UNC13C: variants seen among roughly 807,000 people sequenced by gnomAD.
The protein encoded by UNC13C is unc-13 homolog C.
UNC13C carries 174 observed loss-of-function variants against 245.4 expected under a neutral mutation model. That is an observed-to-expected ratio of 0.71 (90% CI 0.63 to 0.80). UNC13C has a LOEUF of 0.80. UNC13C is among the 30% of genes least tolerant of loss of function. UNC13C has a pLI of 0.00. For synonymous variants in UNC13C, 992 were observed against 895.1 expected, an observed-to-expected ratio of 1.11 and a Z score of -1.93; for missense variants, 2,829 against 2,602.9, an observed-to-expected ratio of 1.09 and a Z score of -1.89.
At chr15:54,442,171 G>A (rs1381573513) in intron 19 of UNC13C, among the ~76,000 whole-genome samples, 1 of 148,802 alleles carries the variant, frequency 6.7e-6, no homozygotes, top group African/African-American at 2.5e-5. Context: ...TCTTTTTCTT[G>A]CCTGATTGCT....
intron 30 of UNC13C, among the ~76,000 whole-genome samples, chr15:54,607,641 C>T (rs774972307): frequency 6.6e-6 from 1 of 152,120 alleles, no homozygotes; most frequent in Non-Finnish European, 1.5e-5. Context: ...CTCAGTTATG[C>T]AGGCTGTACA....
At chr15:54,499,536 G>C (rs927544481) in intron 20 of UNC13C, among the ~76,000 whole-genome samples, 1 of 152,040 alleles carries the variant, frequency 6.6e-6, no homozygotes, top group Non-Finnish European at 1.5e-5. Context: ...GGGGAATAAA[G>C]GGTGTTCTAA....
At chr15:54,245,445 A>G (rs2035966166) in intron 7 of UNC13C, among the ~76,000 whole-genome samples, 1 of 152,128 alleles carries the variant, frequency 6.6e-6, no homozygotes, top group South Asian at 2.1e-4. Flanking sequence ...AAAGAAAACT[A>G]CTTACATTCT....
At chr15:54,095,407 A>G (rs933996007) in intron 2 of UNC13C, among the ~76,000 whole-genome samples, 10 of 152,112 alleles carry the variant, frequency 6.6e-5, no homozygotes, top group African/African-American at 1.7e-4. Context: ...GGTTACTCCA[A>G]CCTTACAAAA....
intron 19 of UNC13C, among the ~76,000 whole-genome samples, chr15:54,422,435 T>C (rs146910004): frequency 6.6e-6 from 1 of 152,140 alleles, no homozygotes; most frequent in East Asian, 1.9e-4. Context: ...CATTCCCTGG[T>C]ATATAAAAGT....
intron 19 of UNC13C, among the ~76,000 whole-genome samples, chr15:54,491,987 ATC>A (rs1893735301): frequency 6.9e-6 from 1 of 145,670 alleles, no homozygotes. Flanking sequence ...GCGAGACTCC[ATC>A]TCAAAAAAAA....
At chr15:54,614,882 G>A (rs1169603211) in intron 30 of UNC13C, among the ~76,000 whole-genome samples, 1 of 151,898 alleles carries the variant, frequency 6.6e-6, no homozygotes, top group East Asian at 1.9e-4. Context: ...AAATTTTGTT[G>A]TGACTAATTT....
At chr15:54,425,162 C>A (rs1439390772) in intron 19 of UNC13C, among the ~76,000 whole-genome samples, 1 of 151,688 alleles carries the variant, frequency 6.6e-6, no homozygotes, top group Non-Finnish European at 1.5e-5. Context: ...TATTTGTAAA[C>A]CTTAGTACCA....
At chr15:54,493,395 C>T (rs1001130668) in intron 19 of UNC13C, among the ~76,000 whole-genome samples, 4 of 151,936 alleles carry the variant, frequency 2.6e-5, no homozygotes, top group African/African-American at 9.7e-5. Context: ...CTCCCTCACT[C>T]TCTCCTCTCT....
chr15:54,592,423 T>C (rs1460107715), intron 30 of UNC13C, among the ~76,000 whole-genome samples: 1 of 152,212 alleles, frequency 6.6e-6, no homozygotes, highest in African/African-American at 2.4e-5. Flanking sequence ...ATTGTGTTGC[T>C]GTCTACCTCA....
At chr15:54,457,407 G>T (rs533622746) in intron 19 of UNC13C, among the ~76,000 whole-genome samples, 1 of 152,108 alleles carries the variant, frequency 6.6e-6, no homozygotes, top group East Asian at 1.9e-4. Flanking sequence ...GAGTTAGGGA[G>T]GACTTCTTCT....
intron 29 of UNC13C, among the ~76,000 whole-genome samples, chr15:54,556,150 A>C (rs1897080764): frequency 6.6e-6 from 1 of 152,026 alleles, no homozygotes; most frequent in Non-Finnish European, 1.5e-5. Flanking sequence ...ATATATTTAT[A>C]TGTGAAAGTT....
chr15:54,044,184 T>C (rs1261786910), intron 2 of UNC13C, among the ~76,000 whole-genome samples: 1 of 152,200 alleles, frequency 6.6e-6, no homozygotes, highest in Non-Finnish European at 1.5e-5. Flanking sequence ...GATGTAGCCT[T>C]TTGCATCTGA....
intron 1 of UNC13C, among the ~76,000 whole-genome samples, chr15:53,979,888 A>G (rs1367100658): frequency 6.6e-6 from 1 of 152,190 alleles, no homozygotes; most frequent in African/African-American, 2.4e-5. Context: ...AATACTTTTC[A>G]TAAAAGTGGG....
chr15:54,255,152 C>A (rs1005643125), intron 8 of UNC13C, among the ~76,000 whole-genome samples: 3 of 152,116 alleles, frequency 2.0e-5, no homozygotes, highest in African/African-American at 7.2e-5. Flanking sequence ...ACAGGGTGCT[C>A]TTTAAGTTTA....
intron 30 of UNC13C, among the ~76,000 whole-genome samples, chr15:54,591,848 T>G (rs1044142602): frequency 4.6e-5 from 7 of 152,102 alleles, no homozygotes; most frequent in African/African-American, 1.7e-4. Flanking sequence ...TGGGTTTGGT[T>G]TGTTCTTGTT....
chr15:54,433,245 C>G (rs568944260), intron 19 of UNC13C, among the ~76,000 whole-genome samples: 11 of 152,166 alleles, frequency 7.2e-5, no homozygotes, highest in African/African-American at 2.6e-4. Flanking sequence ...AGGCCAGCAT[C>G]ATCCTGATAC....
At chr15:54,057,675 A>C (rs1897600299) in intron 2 of UNC13C, among the ~76,000 whole-genome samples, 2 of 152,174 alleles carry the variant, frequency 1.3e-5, no homozygotes, top group South Asian at 4.1e-4. Flanking sequence ...TCAGCACCAC[A>C]CCACACCTAT....
At chr15:53,929,348 A>G in the UNC13C span, among the ~76,000 whole-genome samples, 5 of 152,204 alleles carry the variant, frequency 3.3e-5, no homozygotes, top group Admixed American at 6.5e-5. Context: ...GTGGGGACAC[A>G]GCCAAACCAT....
Sources: allele counts gnomAD v4.1 joint callset (sites outside exome capture counted in the v4.1 genomes callset), GRCh38; gene constraint gnomAD v4.1.1; transcripts MANE v1.5; gene names NCBI Gene and HGNC (gene_info 2026-07-23, HGNC 2026-07-21).